The following RBFOX2 variants were observed in gnomAD, a reference collection of about 807,000 sequenced individuals.
The protein encoded by RBFOX2 is RNA binding protein fox-1 homolog 2.
A neutral mutation model predicts 49.1 loss-of-function variants in RBFOX2; 10 were observed. The ratio of observed to expected loss-of-function variants is 0.20; its 90% CI spans 0.13 to 0.35. The LOEUF (loss-of-function observed/expected upper bound fraction) is 0.35. Among genes scored for constraint, RBFOX2 ranks in the 10% least tolerant of loss-of-function variants. RBFOX2 has a pLI of 1.00. For missense variants in RBFOX2, 323 were observed against 486.9 expected (o/e 0.66, Z 3.17); for synonymous variants, 183 against 187.4 (o/e 0.98, Z 0.19).
At chr22:35,923,526 C>T (rs1329958880) in intron 1 of RBFOX2, among the ~76,000 whole-genome samples, 1 of 152,102 alleles carries the variant, frequency 6.6e-6, no homozygotes, top group African/African-American at 2.4e-5. Flanking sequence ...TGCACACCAC[C>T]ACATCTGGCT....
At chr22:35,956,308 A>T (rs1342504584) in intron 1 of RBFOX2, among the ~76,000 whole-genome samples, 1 of 152,108 alleles carries the variant, frequency 6.6e-6, no homozygotes, top group African/African-American at 2.4e-5. Flanking sequence ...TGAAAGTTCA[A>T]ATTTTATCAC....
chr22:35,893,118 T>C (rs2149385419), intron 1 of RBFOX2, among the ~76,000 whole-genome samples: 1 of 152,344 alleles, frequency 6.6e-6, no homozygotes, highest in Non-Finnish European at 1.5e-5. Context: ...AGCCTTCAGG[T>C]GTCATGGCAT....
chr22:35,962,514 T>C (rs924959024), upstream of RBFOX2, among the ~76,000 whole-genome samples: 2 of 152,244 alleles, frequency 1.3e-5, no homozygotes, highest in Admixed American at 6.5e-5. Flanking sequence ...CCTGTGGATA[T>C]TAACAGATGT....
chr22:35,849,468 G>C (rs1478016957), intron 1 of RBFOX2, among the ~76,000 whole-genome samples: 1 of 152,138 alleles, frequency 6.6e-6, no homozygotes, highest in Non-Finnish European at 1.5e-5. Context: ...GCTAGGCTCT[G>C]AATGGTACCG....
chr22:35,845,928 C>A (rs889590500), intron 1 of RBFOX2, among the ~76,000 whole-genome samples: 1 of 151,734 alleles, frequency 6.6e-6, no homozygotes, highest in Non-Finnish European at 1.5e-5. Flanking sequence ...ACAGTAGGTA[C>A]TCAAAAAACA....
In RBFOX2 at chr22:35,857,082, T is replaced by C. The variant is rs533584738; in HGVS notation, c.-33-47078A>G. ...ATGCAAGACTGACTGACTAAGGGAT[T>C]GTGTGACCAGTTTACTTGACTATGG... On this transcript the variant is annotated intron_variant, in intron 1 of 13. Transcript: ENST00000359369. Among the ~76,000 whole-genome samples, 74 of 152,262 alleles carry C rather than the reference T, an allele frequency of 4.9e-4. 1 individual carries two copies. The highest frequency in any genetic ancestry group is 3.5e-3 in the South Asian group (17 of 4,828).
intron 1 of RBFOX2, among the ~76,000 whole-genome samples, chr22:35,864,900 C>T (rs2043493222): frequency 1.3e-5 from 2 of 152,214 alleles, no homozygotes; most frequent in Admixed American, 1.3e-4. Context: ...AGAAGAGTGC[C>T]ATATGCCTTC....
chr22:35,994,304 T>G (rs2058096485), intron 1 of RBFOX2: 1 of 152,090 alleles, frequency 6.6e-6, no homozygotes, highest in Non-Finnish European at 1.5e-5. Context: ...CTCAACATAG[T>G]ATCTTACATT....
chr22:35,851,590 G>A (rs1001304458), intron 1 of RBFOX2, among the ~76,000 whole-genome samples: 4 of 152,164 alleles, frequency 2.6e-5, no homozygotes, highest in African/African-American at 4.8e-5. Flanking sequence ...ACTTTGGGAG[G>A]CTGAGGCAGG....
chr22:35,777,904 G>C (rs1367910305), intron 4 of RBFOX2, 121 bp downstream of exon 5: 3 of 993,892 alleles, frequency 3.0e-6, no homozygotes, highest in Non-Finnish European at 4.4e-6. Context: ...AACCAAGGTG[G>C]ATAATTAGGA....
chr22:35,933,949 T>C lies in RBFOX2; in HGVS notation c.-34+4898A>G, dbSNP rs561247832. On this transcript the variant is annotated intron_variant, in intron 1 of 13. Transcript: ENST00000359369. ...TGTTATATATATATATATATATATATATATACACACATCAATGAAATAAAT... is the reference window on the plus strand; with the variant it reads ...TGTTATATATATATATATATATATACATATACACACATCAATGAAATAAAT... 2.3e-4 allele frequency among the ~76,000 whole-genome samples: 33 copies of C among 144,436 alleles called. No individual in the cohort carries two copies. The East Asian group carries it at 3.3e-3, about 15-fold the overall frequency. 94.8% of individuals were successfully genotyped at this position (144,436 alleles called of 152,430 possible).
chr22:35,844,871 G>C (rs115843271), upstream of RBFOX2, among the ~76,000 whole-genome samples: 894 of 152,194 alleles, frequency 5.9e-3, 7 homozygotes, highest in African/African-American at 0.021. Context: ...TACAAAAAGA[G>C]TGGGAGAAAG....
rs757803621 is a variant in RBFOX2, at chr22:35,930,941, T to C, written c.-34+7906A>G. Among the ~76,000 whole-genome samples the C allele has an allele frequency of 6.8e-4, 104 of 152,226 alleles. 3 individuals carry two copies. The highest frequency in any genetic ancestry group is 2.6e-4 in the Non-Finnish European group (18 of 68,042). ...ATCATGAAACAGCAGAATAAGCATA[T>C]TACTTAGCATGGCAGTGAGCAGCAG... is the stretch of plus-strand genomic sequence containing the variant. On this transcript the variant is annotated intron_variant, in intron 1 of 13. Transcript: ENST00000359369.
exon 12 of RBFOX2, chr22:35,740,454 C>T (rs1455316430): frequency 2.0e-5 from 3 of 152,564 alleles, no homozygotes; most frequent in Non-Finnish European, 4.4e-5. Context: ...TCACCTTGCC[C>T]ACTATTTTTT....
intron 1 of RBFOX2, among the ~76,000 whole-genome samples, chr22:36,012,929 A>G (rs990512299): frequency 6.6e-6 from 1 of 151,870 alleles, no homozygotes; most frequent in Non-Finnish European, 1.5e-5. Context: ...TACGCCCAGC[A>G]AATTTTTTTT....
intron 1 of RBFOX2, among the ~76,000 whole-genome samples, chr22:35,881,595 A>C (rs1208892438): frequency 1.3e-5 from 2 of 150,778 alleles, no homozygotes. Context: ...AAAAAAAAAA[A>C]GGAAGAAATT....
intron 2 of RBFOX2, among the ~76,000 whole-genome samples, chr22:35,799,962 C>G (rs898265635): frequency 6.6e-6 from 1 of 151,684 alleles, no homozygotes; most frequent in Admixed American, 6.6e-5. Context: ...TCAAAGACCC[C>G]CTTCCCCCAC....
At chr22:35,942,485 TCA>T (rs932075950), upstream of RBFOX2, among the ~76,000 whole-genome samples, 9 of 152,024 alleles carry the variant, frequency 5.9e-5, no homozygotes, top group African/African-American at 9.7e-5. Context: ...AAAAAAAACC[TCA>T]GTTTCCATTA....
intron 2 of RBFOX2, among the ~76,000 whole-genome samples, chr22:35,798,003 T>G (rs1949087369): frequency 6.6e-6 from 1 of 152,182 alleles, no homozygotes; most frequent in Admixed American, 6.5e-5. Context: ...GAGACTGAGT[T>G]TCCCTCTTGT....
Sources: allele counts gnomAD v4.1 joint callset (sites outside exome capture counted in the v4.1 genomes callset), GRCh38; gene constraint gnomAD v4.1.1; transcripts MANE v1.5; gene names NCBI Gene and HGNC (gene_info 2026-07-23, HGNC 2026-07-21).